Variants in C12orf56 observed in about 807,000 individuals in gnomAD.
C12orf56 encodes uncharacterized protein C12orf56.
A neutral mutation model predicts 69.9 loss-of-function variants in C12orf56; 71 were observed. That is an observed-to-expected ratio of 1.02 (90% confidence interval 0.84 to 1.24). The LOEUF is 1.24. C12orf56 is among the 50% of genes most tolerant of loss of function. C12orf56 has a pLI of 0.00. For missense variants in C12orf56, 732 were observed against 738.5 expected, an observed-to-expected ratio of 0.99 and a Z score of 0.10; for synonymous variants, 276 against 274.1, an observed-to-expected ratio of 1.01 and a Z score of -0.07.
At chr12:64,343,692 A>G (rs759998498) in intron 2 of C12orf56, among the ~76,000 whole-genome samples, 2 of 152,212 alleles carry the variant, frequency 1.3e-5, no homozygotes, top group Non-Finnish European at 2.9e-5. Context: ...CACAGGCCAA[A>G]TGGGAGACAG....
chr12:64,371,051 A>G (rs1294116764), intron 1 of C12orf56, among the ~76,000 whole-genome samples: 1 of 152,166 alleles, frequency 6.6e-6, no homozygotes, highest in Non-Finnish European at 1.5e-5. Context: ...CCACACATAT[A>G]TGGTCAACTG....
chr12:64,337,019 T>C (rs2039005830), intron 2 of C12orf56, among the ~76,000 whole-genome samples: 1 of 152,132 alleles, frequency 6.6e-6, no homozygotes. Context: ...AGGTCACACA[T>C]CCAGGAAATG....
intron 2 of C12orf56, chr12:64,338,282 A>G (rs890390294): frequency 7.7e-6 from 4 of 520,886 alleles, no homozygotes; most frequent in East Asian, 5.0e-5. Flanking sequence ...GGAAACCTTT[A>G]TGTTACAATC....
chr12:64,280,440 C>T (rs2038106990), intron 8 of C12orf56, among the ~76,000 whole-genome samples: 1 of 152,152 alleles, frequency 6.6e-6, no homozygotes, highest in Non-Finnish European at 1.5e-5. Context: ...CTAAGTCAGT[C>T]CATGTTATTG....
chr12:64,353,730 G>A (rs1257954427), intron 1 of C12orf56, among the ~76,000 whole-genome samples: 1 of 151,764 alleles, frequency 6.6e-6, no homozygotes, highest in East Asian at 1.9e-4. Context: ...CGCCCAGCCT[G>A]GAGTGCAATG....
chr12:64,332,551 C>T (rs1205713336), intron 2 of C12orf56, among the ~76,000 whole-genome samples: 1 of 152,104 alleles, frequency 6.6e-6, no homozygotes, highest in African/African-American at 2.4e-5. Context: ...TTCTTCTGTC[C>T]TGATTTCTTT....
chr12:64,335,629 T>G (rs1170469790), intron 2 of C12orf56, among the ~76,000 whole-genome samples: 2 of 152,134 alleles, frequency 1.3e-5, no homozygotes, highest in East Asian at 3.9e-4. Flanking sequence ...GCCAGAAGTT[T>G]GAGATCAGCC....
intron 1 of C12orf56, among the ~76,000 whole-genome samples, chr12:64,365,881 T>C (rs1430969567): frequency 7.3e-6 from 1 of 136,756 alleles, no homozygotes; most frequent in Non-Finnish European, 1.5e-5. Context: ...TTATACATTA[T>C]ATATAGTGTA....
chr12:64,316,149 G>A (rs1283797437), intron 4 of C12orf56, among the ~76,000 whole-genome samples: 3 of 151,474 alleles, frequency 2.0e-5, no homozygotes, highest in African/African-American at 7.3e-5. Context: ...GTATTACACA[G>A]GCTGGAGTGC....
At chr12:64,300,606 C>A (rs1177077858) in intron 6 of C12orf56, among the ~76,000 whole-genome samples, 1 of 152,136 alleles carries the variant, frequency 6.6e-6, no homozygotes, top group African/African-American at 2.4e-5. Flanking sequence ...GCTGGCTTTA[C>A]TCTTGACAAT....
intron 8 of C12orf56, among the ~76,000 whole-genome samples, chr12:64,280,727 A>C (rs1309348003): frequency 6.6e-6 from 1 of 152,174 alleles, no homozygotes; most frequent in Non-Finnish European, 1.5e-5. Context: ...GCAAAGAAAC[A>C]AGCCACCTGA....
intron 2 of C12orf56, chr12:64,338,738 A>G (rs2039031312): frequency 2.0e-6 from 3 of 1,484,568 alleles, no homozygotes; most frequent in Admixed American, 1.7e-5. Context: ...TTCTTGTTCA[A>G]TGAAAGCCAT....
intron 4 of C12orf56, among the ~76,000 whole-genome samples, chr12:64,317,398 A>G (rs969412266): frequency 6.6e-6 from 1 of 152,172 alleles, no homozygotes; most frequent in African/African-American, 2.4e-5. Flanking sequence ...AATTCTAACA[A>G]AAAGGTCCCT....
chr12:64,376,938 C>A (rs1376678001), intron 1 of C12orf56, among the ~76,000 whole-genome samples: 2 of 151,890 alleles, frequency 1.3e-5, no homozygotes, highest in African/African-American at 4.8e-5. Context: ...GGAATTGCCA[C>A]ACTGTCTTCC....
chr12:64,329,677 T>A (rs28495269), intron 3 of C12orf56, among the ~76,000 whole-genome samples: 1 of 62,950 alleles, frequency 1.6e-5, no homozygotes, highest in African/African-American at 6.6e-5. Context: ...CCCTCCCCCC[T>A]CCCCCCACCC....
chr12:64,284,890 A>G (rs2038179531), intron 7 of C12orf56, 137 bp from the exon 8 acceptor site: 1 of 633,994 alleles, frequency 1.6e-6, no homozygotes, highest in Non-Finnish European at 2.7e-6. Context: ...AATTTTGTAC[A>G]TCAAATTGCT....
At chr12:64,328,573 G>T (rs1034994614) in intron 3 of C12orf56, among the ~76,000 whole-genome samples, 2 of 149,820 alleles carry the variant, frequency 1.3e-5, no homozygotes, top group African/African-American at 4.9e-5. Context: ...CCAGCTACTC[G>T]GGAGGCTGAG....
At chr12:64,278,521 G>A (rs1050759457) in intron 8 of C12orf56, among the ~76,000 whole-genome samples, 5 of 152,178 alleles carry the variant, frequency 3.3e-5, no homozygotes, top group Admixed American at 2.6e-4. Flanking sequence ...TTTGAAATAT[G>A]TATATACTGT....
chr12:64,269,402 T>C (rs531912373), intron 12 of C12orf56, among the ~76,000 whole-genome samples: 1 of 152,286 alleles, frequency 6.6e-6, no homozygotes, highest in Admixed American at 6.5e-5. Context: ...GAGAACAGGC[T>C]GGCAGATGAA....
Sources: allele counts gnomAD v4.1 joint callset (sites outside exome capture counted in the v4.1 genomes callset), GRCh38; gene constraint gnomAD v4.1.1; transcripts MANE v1.5; gene names NCBI Gene and HGNC (gene_info 2026-07-23, HGNC 2026-07-21).